The following CPED1 variants were observed in gnomAD, a reference collection of about 807,000 sequenced individuals.
CPED1 encodes the protein cadherin like and PC-esterase domain containing 1.
In CPED1, 114 loss-of-function variants were observed where a neutral mutation model predicts 128.2. That is an observed-to-expected ratio of 0.89 (90% CI 0.76 to 1.04). The LOEUF (loss-of-function observed/expected upper bound fraction) is 1.04, where lower values mean the gene tolerates loss of function less well. Ranked by LOEUF, CPED1 falls within the 50% of genes least tolerant of loss-of-function variation. The pLI is 0.00. For synonymous variants in CPED1, 462 were observed against 426.7 expected (o/e 1.08, Z -1.02); for missense variants, 1,211 against 1,207.1 (o/e 1.00, Z -0.05).
chr7:121,064,465 C>A, intron 5 of CPED1, 152 bp downstream of exon 5: 1 of 585,300 alleles, frequency 1.7e-6, no homozygotes, highest in Non-Finnish European at 3.1e-6. Flanking sequence ...AACGCTTTGC[C>A]AATGAAAAGA....
intron 16 of CPED1, among the ~76,000 whole-genome samples, chr7:121,177,437 T>G (rs1174932166): frequency 2.0e-5 from 3 of 152,030 alleles, no homozygotes; most frequent in Non-Finnish European, 4.4e-5. Flanking sequence ...TTCCTGATGT[T>G]GCCAATTTTT....
intron 16 of CPED1, among the ~76,000 whole-genome samples, chr7:121,203,246 G>A (rs890296737): frequency 6.6e-6 from 1 of 152,046 alleles, no homozygotes; most frequent in Non-Finnish European, 1.5e-5. Context: ...AGACGGAGCT[G>A]TCTATTCTCT....
At chr7:121,022,353 C>T (rs1792465263) in intron 3 of CPED1, among the ~76,000 whole-genome samples, 1 of 151,932 alleles carries the variant, frequency 6.6e-6, no homozygotes, top group Non-Finnish European at 1.5e-5. Context: ...TATAGTATTA[C>T]ATAGGGCTGA....
chr7:121,122,112 TAAA>T (rs1404609377), intron 7 of CPED1, among the ~76,000 whole-genome samples: 2 of 149,556 alleles, frequency 1.3e-5, no homozygotes, highest in Non-Finnish European at 3.0e-5. Flanking sequence ...CTGAATGAAT[TAAA>T]AAGAAGAAAT....
At chr7:121,289,260 G>A (rs984425691) in intron 22 of CPED1, among the ~76,000 whole-genome samples, 1 of 152,142 alleles carries the variant, frequency 6.6e-6, no homozygotes, top group Non-Finnish European at 1.5e-5. Flanking sequence ...TTTGGGGTTA[G>A]CAGAGTATAA....
At chr7:121,126,872 G>C (rs1795516580) in intron 9 of CPED1, among the ~76,000 whole-genome samples, 1 of 151,782 alleles carries the variant, frequency 6.6e-6, no homozygotes, top group Non-Finnish European at 1.5e-5. Context: ...CTTTATATTA[G>C]TTAATTTTCT....
chr7:120,994,233 A>G (rs1358401174), intron 2 of CPED1, among the ~76,000 whole-genome samples: 1 of 152,184 alleles, frequency 6.6e-6, no homozygotes, highest in Non-Finnish European at 1.5e-5. Flanking sequence ...TTTTATATAA[A>G]AATGTTGTAA....
intron 7 of CPED1, among the ~76,000 whole-genome samples, chr7:121,104,782 TA>T (rs1794932130): frequency 6.6e-6 from 1 of 152,120 alleles, no homozygotes; most frequent in Non-Finnish European, 1.5e-5. Flanking sequence ...CAAAGGTCAT[TA>T]AAAAAATTTT....
At chr7:121,188,114 G>T (rs1797045384) in intron 16 of CPED1, among the ~76,000 whole-genome samples, 1 of 152,022 alleles carries the variant, frequency 6.6e-6, no homozygotes, top group Non-Finnish European at 1.5e-5. Context: ...TTGTCTTTTA[G>T]AAATATATAT....
rs190658869 is a variant in CPED1 at position 121,181,459 on chromosome 7, G to A, written c.2055+39318G>A. The stretch of plus-strand genomic sequence containing the variant: ...CAATTGTTTTTTGGATGGAATTAAA[G>A]ATATTTGTTTGAAATACATTTCTCA... On this transcript the variant is annotated intron_variant, in intron 16 of 22. Coordinates refer to ENST00000310396, the MANE Select transcript of CPED1 (RefSeq NM_024913.5). Among the ~76,000 whole-genome samples, 127 of 152,062 alleles carry A rather than the reference G, an allele frequency of 8.4e-4. No homozygotes were observed. The Middle Eastern group carries it at 0.014, about 16-fold the overall frequency.
chr7:121,026,400 A>G (rs1486492007), intron 3 of CPED1, among the ~76,000 whole-genome samples: 2 of 152,014 alleles, frequency 1.3e-5, no homozygotes, highest in Admixed American at 6.6e-5. Flanking sequence ...GCTTTGCCTC[A>G]TCCTTGTGCT....
chr7:121,116,780 C>G (rs2116284016), intron 7 of CPED1, among the ~76,000 whole-genome samples: 2 of 151,920 alleles, frequency 1.3e-5, no homozygotes, highest in South Asian at 4.2e-4. Flanking sequence ...ACCTTGCATT[C>G]TTAACCCCAA....
At chr7:121,212,952 C>T (rs1040872829) in intron 16 of CPED1, among the ~76,000 whole-genome samples, 5 of 151,830 alleles carry the variant, frequency 3.3e-5, no homozygotes, top group African/African-American at 7.3e-5. Flanking sequence ...TGGAAAGATG[C>T]GTTGAGGCTT....
At chr7:121,256,132 A>AAAAAAAAAAAC (rs1562852772) in intron 18 of CPED1, among the ~76,000 whole-genome samples, 18 of 147,938 alleles carry the variant, frequency 1.2e-4, no homozygotes, top group African/African-American at 3.8e-4. Context: ...AACAAAACAA[A>AAAAAAAAAAAC]AAAAAAAAAC....
intron 18 of CPED1, among the ~76,000 whole-genome samples, chr7:121,258,194 T>C (rs1791928173): frequency 6.6e-6 from 1 of 152,228 alleles, no homozygotes; most frequent in South Asian, 2.1e-4. Flanking sequence ...AGCTGAACAC[T>C]TAAAAAGTTA....
chr7:121,080,018 C>T (rs571656934), intron 5 of CPED1, among the ~76,000 whole-genome samples: 3 of 152,272 alleles, frequency 2.0e-5, no homozygotes, highest in South Asian at 2.1e-4. Context: ...CCAGCAGGCC[C>T]GTTTACTCAC....
At chr7:121,285,495 G>T (rs1792547536) in intron 22 of CPED1, among the ~76,000 whole-genome samples, 2 of 152,102 alleles carry the variant, frequency 1.3e-5, no homozygotes, top group Admixed American at 1.3e-4. Context: ...AAACTTTTAA[G>T]CTCTGCTTCC....
chr7:120,989,643 C>T lies in CPED1; in HGVS notation c.22C>T (p.Pro8Ser), dbSNP rs770261755. The change falls in exon 2 of 23, where the codon CCT (proline) becomes TCT (serine). Residue 8 changes from proline to serine, a missense_variant. Pro to Ser is a moderately conservative substitution (Grantham distance 74). Coordinates refer to ENST00000310396, the MANE Select transcript of CPED1 (RefSeq NM_024913.5). Reference protein sequence around the residue: MVCRPVFPCRRRFCPRPF... With the variant: MVCRPVFSCRRRFCPRPF... Reference sequence around the variant, plus strand: ...GGTCATGGTCTGTCGCCCAGTGTTCCCTTGTCGTCGGCGATTTTGCCCCCG... The same window carrying T: ...GGTCATGGTCTGTCGCCCAGTGTTCTCTTGTCGTCGGCGATTTTGCCCCCG... 69 of 1,613,904 alleles carry T rather than the reference C, an allele frequency of 4.3e-5. No individual in the cohort carries two copies. The East Asian group carries it at 1.5e-3, about 35-fold the overall frequency.
chr7:121,031,313 C>CT (rs1319592396), intron 3 of CPED1, among the ~76,000 whole-genome samples: 4 of 151,860 alleles, frequency 2.6e-5, no homozygotes, highest in African/African-American at 9.7e-5. Context: ...CAACTTTTTT[C>CT]TTTTTTTGTT....
Sources: gnomAD v4.1 joint callset for allele counts (sites outside exome capture counted in the v4.1 genomes callset) on GRCh38, gnomAD v4.1.1 for gene constraint, MANE v1.5 for transcripts, NCBI Gene and HGNC (gene_info 2026-07-23, HGNC 2026-07-21) for gene names.